Variants in ADGRA3 observed in about 807,000 individuals in gnomAD.
ADGRA3 encodes the protein adhesion G protein-coupled receptor A3.
In ADGRA3, 56 loss-of-function variants were observed where a neutral mutation model predicts 119.8. The ratio of observed to expected loss-of-function variants is 0.47; its 90% confidence interval spans 0.38 to 0.58. The LOEUF (loss-of-function observed/expected upper bound fraction) is 0.58, where lower values mean the gene tolerates loss of function less well. Among genes scored for constraint, ADGRA3 ranks in the 20% least tolerant of loss-of-function variants. The probability of loss-of-function intolerance (pLI) is 0.00; values close to 1 mark genes in which losing one functional copy is unlikely to be tolerated. For synonymous variants in ADGRA3, 607 were observed against 623.8 expected (o/e 0.97, Z 0.40); for missense variants, 1,516 against 1,649.0 (o/e 0.92, Z 1.40).
chr4:22,485,524 A>G (rs905274111), intron 1 of ADGRA3, among the ~76,000 whole-genome samples: 17 of 151,930 alleles, frequency 1.1e-4, no homozygotes, highest in African/African-American at 4.1e-4. Flanking sequence ...CAGTGGTTCC[A>G]TGGGACTGGT....
intron 10 of ADGRA3, 132 bp from the exon 11 acceptor site, chr4:22,424,484 T>C: frequency 1.1e-6 from 1 of 891,026 alleles, no homozygotes; most frequent in South Asian, 1.8e-5. Flanking sequence ...ACAGGCACTT[T>C]ACTTGTTTCT....
chr4:22,438,598 G>A (rs970390197), intron 7 of ADGRA3, among the ~76,000 whole-genome samples, 178 bp from the exon 8 acceptor site: 1 of 151,770 alleles, frequency 6.6e-6, no homozygotes, highest in Admixed American at 6.6e-5. Context: ...CAATCTCAAG[G>A]CAAAAAAGGA....
chr4:22,423,369 G>A (rs1715793875), intron 11 of ADGRA3, among the ~76,000 whole-genome samples: 1 of 152,086 alleles, frequency 6.6e-6, no homozygotes, highest in Admixed American at 6.5e-5. Flanking sequence ...AGATCAACAG[G>A]AAAATAGCAA....
At chr4:22,404,905 C>G (rs866327267) in intron 14 of ADGRA3, among the ~76,000 whole-genome samples, 2 of 152,302 alleles carry the variant, frequency 1.3e-5, no homozygotes, top group South Asian at 2.1e-4. Context: ...TATTCCAGTA[C>G]AGAACTAATA....
At chr4:22,411,028 C>A (rs74978567) in intron 14 of ADGRA3, among the ~76,000 whole-genome samples, 5,368 of 152,218 alleles carry the variant, frequency 0.035, 289 homozygotes, top group African/African-American at 0.12. Flanking sequence ...TGAAGAACAG[C>A]TAGGAAGTTC....
chr4:22,402,846 T>C (rs1373607683), intron 14 of ADGRA3, 47 bp from the exon 15 acceptor site: 1 of 1,563,692 alleles, frequency 6.4e-7, no homozygotes, highest in Non-Finnish European at 8.6e-7. Flanking sequence ...TCTCTCCACA[T>C]TTAACTACTG....
chr4:22,495,299 C>T (rs927679496), intron 1 of ADGRA3, among the ~76,000 whole-genome samples: 1 of 152,044 alleles, frequency 6.6e-6, no homozygotes, highest in Non-Finnish European at 1.5e-5. Flanking sequence ...TATGGCTGCG[C>T]ACAGTGGCGC....
chr4:22,420,147 A>G (rs887993937), intron 12 of ADGRA3: 1 of 152,424 alleles, frequency 6.6e-6, no homozygotes, highest in Admixed American at 6.5e-5. Context: ...ATTGTTTGTG[A>G]TATTATTGAG....
At chr4:22,404,714 G>A (rs1714825166) in intron 14 of ADGRA3, among the ~76,000 whole-genome samples, 1 of 152,038 alleles carries the variant, frequency 6.6e-6, no homozygotes, top group Non-Finnish European at 1.5e-5. Flanking sequence ...CCAATTCTGA[G>A]CAATTTGCCT....
chr4:22,403,459 T>C (rs13143425), intron 14 of ADGRA3, among the ~76,000 whole-genome samples: 118,125 of 151,770 alleles, frequency 0.78, 46,234 homozygotes, highest in East Asian at 0.96. Flanking sequence ...AGTAAATGGC[T>C]GAGCACAGTG....
intron 1 of ADGRA3, among the ~76,000 whole-genome samples, chr4:22,508,973 C>T (rs1473649623): frequency 6.6e-6 from 1 of 152,190 alleles, no homozygotes; most frequent in Non-Finnish European, 1.5e-5. Context: ...CGCCCCACTG[C>T]CCTCACGCCT....
chr4:22,405,414 C>T (rs769831251), intron 14 of ADGRA3, among the ~76,000 whole-genome samples: 4 of 151,838 alleles, frequency 2.6e-5, no homozygotes, highest in South Asian at 4.2e-4. Flanking sequence ...GGCATGATGG[C>T]GCGTGCCTGT....
intron 10 of ADGRA3, among the ~76,000 whole-genome samples, chr4:22,430,646 A>G (rs543433369): frequency 7.2e-5 from 11 of 151,776 alleles, no homozygotes; most frequent in Non-Finnish European, 1.2e-4. Flanking sequence ...TTGCACCTTG[A>G]CAATGTGATA....
chr4:22,438,545 T>C (rs760953035), intron 7 of ADGRA3, 125 bp from the exon 8 acceptor site: 3 of 700,902 alleles, frequency 4.3e-6, no homozygotes, highest in Non-Finnish European at 6.9e-6. Context: ...GCACTTGCTA[T>C]ATAAAAATGA....
intron 14 of ADGRA3, among the ~76,000 whole-genome samples, chr4:22,404,465 G>A (rs1187264294): frequency 1.3e-5 from 2 of 152,182 alleles, no homozygotes; most frequent in African/African-American, 4.8e-5. Context: ...TAAGTGGGAA[G>A]CAGAGATGAG....
chr4:22,412,743 A>C (rs1270825116), intron 14 of ADGRA3, among the ~76,000 whole-genome samples: 3 of 152,190 alleles, frequency 2.0e-5, no homozygotes, highest in Non-Finnish European at 4.4e-5. Flanking sequence ...ATCATGATTA[A>C]TTCTAAATTT....
At chr4:22,460,352 C>T (rs1005247634) in intron 3 of ADGRA3, among the ~76,000 whole-genome samples, 4 of 152,194 alleles carry the variant, frequency 2.6e-5, no homozygotes, top group Admixed American at 6.5e-5. Flanking sequence ...AAGAAAAGTT[C>T]TCTGCTCTAC....
intron 2 of ADGRA3, among the ~76,000 whole-genome samples, chr4:22,464,239 T>C (rs555319902): frequency 1.3e-5 from 2 of 152,288 alleles, no homozygotes; most frequent in South Asian, 2.1e-4. Context: ...AACTTCATAT[T>C]CCACAAGAAG....
chr4:22,512,170 C>A (rs1218774563), intron 1 of ADGRA3, among the ~76,000 whole-genome samples: 1 of 151,832 alleles, frequency 6.6e-6, no homozygotes, highest in Non-Finnish European at 1.5e-5. Context: ...CAAAGTACTG[C>A]GATTACAGGT....
Sources: allele counts gnomAD v4.1 joint callset (sites outside exome capture counted in the v4.1 genomes callset), GRCh38; gene constraint gnomAD v4.1.1; transcripts MANE v1.5; gene names NCBI Gene and HGNC (gene_info 2026-07-23, HGNC 2026-07-21).